Variants in ANK1 observed in about 807,000 individuals in gnomAD.
The protein encoded by ANK1 is ankyrin 1, also known as ankyrin-1.
ANK1 carries 51 observed loss-of-function variants against 210.4 expected under a neutral mutation model. That is an observed-to-expected ratio of 0.24 (90% confidence interval 0.19 to 0.31). The LOEUF (loss-of-function observed/expected upper bound fraction) is 0.31. ANK1 is among the 10% of genes least tolerant of loss of function. The pLI, the probability that ANK1 is intolerant of heterozygous loss-of-function variation, is 1.00. For missense variants in ANK1, 2,051 were observed against 2,504.4 expected (o/e 0.82, Z 3.86); for synonymous variants, 967 against 1,025.9 (o/e 0.94, Z 1.10).
intron 2 of ANK1, among the ~76,000 whole-genome samples, chr8:41,741,667 T>A (rs1834834740): frequency 6.6e-6 from 1 of 152,220 alleles, no homozygotes; most frequent in East Asian, 1.9e-4. Context: ...GTGGCCCGCT[T>A]CTTAGAGGGC....
intron 37 of ANK1, among the ~76,000 whole-genome samples, chr8:41,676,483 T>C (rs981986821): frequency 1.3e-5 from 2 of 152,242 alleles, no homozygotes; most frequent in Non-Finnish European, 2.9e-5. Flanking sequence ...TCCAATACTA[T>C]AGCAGATGAT....
At position 41,839,767 on chromosome 8, in the gene ANK1, A is replaced by G. The variant is rs79358383; in HGVS notation, c.126+56588T>C. On this transcript the variant is annotated intron_variant, in intron 1 of 42. Coordinates refer to the ANK1 transcript ENST00000265709. ...TGAGACACCGTCACAGCCAAAAGGA[A>G]CCTAAAGAGGCATGACAACTAAATG... is the stretch of plus-strand genomic sequence containing the variant. Among the ~76,000 whole-genome samples, 200 of 152,282 alleles carry G rather than the reference A, an allele frequency of 1.3e-3. 7 individuals carry two copies. In the East Asian group the frequency reaches 0.029, roughly 22 times the overall value.
At chr8:41,730,440 G>T (rs1222398970) in intron 3 of ANK1, among the ~76,000 whole-genome samples, 1 of 148,026 alleles carries the variant, frequency 6.8e-6, no homozygotes, top group Non-Finnish European at 1.5e-5. Context: ...CAGTCTGTCT[G>T]TCTTTTCTTT....
At chr8:41,720,761 T>C (rs1829042247) in intron 9 of ANK1, among the ~76,000 whole-genome samples, 1 of 152,016 alleles carries the variant, frequency 6.6e-6, no homozygotes, top group Non-Finnish European at 1.5e-5. Context: ...TGAAAGGAGC[T>C]GAATGGAAGT....
intron 1 of ANK1, among the ~76,000 whole-genome samples, chr8:41,822,311 A>C (rs1305135034): frequency 1.3e-5 from 2 of 152,172 alleles, no homozygotes; most frequent in East Asian, 3.8e-4. Context: ...GTCCAAGCTC[A>C]CTCAGCCCAG....
chr8:41,878,450 G>T (rs558572161), intron 1 of ANK1, among the ~76,000 whole-genome samples: 1 of 152,312 alleles, frequency 6.6e-6, no homozygotes, highest in East Asian at 1.9e-4. Flanking sequence ...CCTTCAGACA[G>T]GTTCAGGGGG....
intron 39 of ANK1, chr8:41,665,374 G>T: frequency 2.2e-6 from 2 of 925,484 alleles, no homozygotes; most frequent in Non-Finnish European, 3.0e-6. Flanking sequence ...CCCATGTCCT[G>T]AGCACTGAAA....
chr8:41,758,631 C>T (rs928631553), intron 1 of ANK1, among the ~76,000 whole-genome samples: 3 of 152,060 alleles, frequency 2.0e-5, no homozygotes, highest in African/African-American at 2.4e-5. Flanking sequence ...CATGAGCCAC[C>T]GTGCCTGGCC....
intron 1 of ANK1, among the ~76,000 whole-genome samples, chr8:41,854,802 TAGTC>T (rs1433736248): frequency 1.3e-5 from 2 of 152,010 alleles, no homozygotes; most frequent in East Asian, 1.9e-4. Context: ...TTTTTTAAAT[TAGTC>T]AGGTGTGGTT....
chr8:41,666,524 A>G (rs1192976469), intron 39 of ANK1, among the ~76,000 whole-genome samples: 1 of 152,234 alleles, frequency 6.6e-6, no homozygotes, highest in Non-Finnish European at 1.5e-5. Flanking sequence ...AACTTCAGAT[A>G]TTTCCTCCTA....
chr8:41,660,563 C>A (rs1194338335), intron 42 of ANK1: 3 of 462,094 alleles, frequency 6.5e-6, no homozygotes, highest in Admixed American at 2.6e-5. Flanking sequence ...ACCACACACA[C>A]CTGCTGGAGA....
chr8:41,861,704 C>T (rs1044801257), intron 1 of ANK1, among the ~76,000 whole-genome samples: 1 of 152,224 alleles, frequency 6.6e-6, no homozygotes, highest in Non-Finnish European at 1.5e-5. Flanking sequence ...GCGGCAGAAA[C>T]GAGCGCAGGA....
chr8:41,720,148 C>T (rs537887953), intron 9 of ANK1, among the ~76,000 whole-genome samples: 30 of 152,336 alleles, frequency 2.0e-4, no homozygotes, highest in South Asian at 6.2e-4. Flanking sequence ...CTGCACCATG[C>T]GCTCAGACCT....
At chr8:41,661,609 CG>C in intron 41 of ANK1, 45 bp from the exon 42 acceptor site, 2 of 1,612,032 alleles carry the variant, frequency 1.2e-6, no homozygotes, top group Non-Finnish European at 1.7e-6. Context: ...ATCGCAAAGA[CG>C]GGCAGAACAC....
rs34523608 is a variant in ANK1 at position 41,699,515 on chromosome 8, C to A, written c.2495G>T (p.Arg832Leu). The A allele has an allele frequency of 6.2e-7, 1 of 1,614,036 alleles. No individual in the cohort carries two copies. Among genetic ancestry groups the A allele is most frequent in the African/African-American group, 1.3e-5 (1 of 74,928 alleles). The part of the protein sequence containing the change: ...EELISFKAER[R>L]DSRDVDEEKE... The stretch of plus-strand genomic sequence containing the variant: ...CTCTTCATCAACATCCCTGGAATCC[C>A]GCCTCTCAGCCTTGAAGCTGATGAG... Residue 832 changes from arginine (R) to leucine (L), a missense_variant, in exon 23 of 43, where the codon CGG becomes CTG. By Grantham distance (102) the Arg-to-Leu change is moderately radical. Coordinates refer to ENST00000289734, the MANE Select transcript of ANK1 (RefSeq NM_000037.4).
Position 41,775,061 on chromosome 8 carries a change from C to CT in ANK1, c.28-16925dup, listed in dbSNP as rs34535090. Among the ~76,000 whole-genome samples the CT allele has an allele frequency of 4.7e-5, 7 of 150,388 alleles. No homozygotes were observed. In the East Asian group the frequency reaches 7.9e-4, roughly 17 times the overall value. On this transcript the variant is annotated intron_variant, in intron 1 of 42. Coordinates refer to ENST00000289734, the MANE Select transcript of ANK1 (RefSeq NM_000037.4). ...GCTAATAGGGAAAATAGGGACTCTT[C>CT]TTTTTTTTTTCAAGTTGCCAAACAG...
chr8:41,684,844 C>A (rs1005762194), intron 36 of ANK1, among the ~76,000 whole-genome samples, 154 bp from the exon 37 acceptor site: 2 of 152,166 alleles, frequency 1.3e-5, no homozygotes, highest in Non-Finnish European at 2.9e-5. Flanking sequence ...AACAAACTTC[C>A]TCTGGGGAGA....
chr8:41,753,717 G>C (rs1838357515), intron 2 of ANK1, among the ~76,000 whole-genome samples: 2 of 150,334 alleles, frequency 1.3e-5, no homozygotes, highest in Non-Finnish European at 3.0e-5. Flanking sequence ...ATAGTTCCCA[G>C]TGTCTCCTGT....
chr8:41,696,018 T>C (rs2150596006), intron 26 of ANK1, among the ~76,000 whole-genome samples: 1 of 152,388 alleles, frequency 6.6e-6, no homozygotes, highest in East Asian at 1.9e-4. Flanking sequence ...GCCTTGTCTC[T>C]AGTGTCACAC....
Sources: allele counts gnomAD v4.1 joint callset (sites outside exome capture counted in the v4.1 genomes callset), GRCh38; gene constraint gnomAD v4.1.1; transcripts MANE v1.5; gene names NCBI Gene and HGNC (gene_info 2026-07-23, HGNC 2026-07-21).